SLC28A3: variants seen among roughly 807,000 people sequenced by gnomAD.
SLC28A3 encodes the protein concentrative Na(+)-nucleoside cotransporter 3.
A neutral mutation model predicts 84.2 loss-of-function variants in SLC28A3; 68 were observed. The observed-to-expected ratio is 0.81, with a 90% CI of 0.66 to 0.99. The LOEUF (loss-of-function observed/expected upper bound fraction) is 0.99. Among genes scored for constraint, SLC28A3 ranks in the 50% least tolerant of loss-of-function variants. The pLI is 0.00. For synonymous variants in SLC28A3, 267 were observed against 303.6 expected (o/e 0.88, Z 1.25); for missense variants, 712 against 841.5 (o/e 0.85, Z 1.90).
At chr9:84,346,821 C>A in the SLC28A3 span, among the ~76,000 whole-genome samples, 41 of 152,258 alleles carry the variant, frequency 2.7e-4, 1 homozygote, top group East Asian at 5.4e-3. Flanking sequence ...GAATCTGCCA[C>A]ATAGGTAATA....
At chr9:84,323,613 C>A (rs762267836) in intron 1 of SLC28A3, among the ~76,000 whole-genome samples, 1 of 151,828 alleles carries the variant, frequency 6.6e-6, no homozygotes, top group Non-Finnish European at 1.5e-5. Context: ...TTAGTAAAGA[C>A]GGGGTTTCAT....
chr9:84,334,786 TCTC>T (rs1259673662), intron 1 of SLC28A3, among the ~76,000 whole-genome samples: 1 of 151,714 alleles, frequency 6.6e-6, no homozygotes, highest in African/African-American at 2.4e-5. Context: ...AACACAAACT[TCTC>T]CTCCTTCCCC....
At chr9:84,345,145 C>T (rs10780664), upstream of SLC28A3, among the ~76,000 whole-genome samples, 2 of 151,830 alleles carry the variant, frequency 1.3e-5, no homozygotes, top group African/African-American at 2.4e-5. Flanking sequence ...TTAGCTCTTT[C>T]GTGCTTCTTA....
At chr9:84,361,202 G>A in the SLC28A3 span, among the ~76,000 whole-genome samples, 5 of 152,160 alleles carry the variant, frequency 3.3e-5, no homozygotes, top group South Asian at 8.3e-4. Context: ...AAAATTAGCC[G>A]GGTGTGGTTG....
At chr9:84,348,228 C>T in the SLC28A3 span, among the ~76,000 whole-genome samples, 3 of 152,036 alleles carry the variant, frequency 2.0e-5, no homozygotes, top group Non-Finnish European at 4.4e-5. Flanking sequence ...GTGGCTCACA[C>T]CTGTAGTCGC....
chr9:84,345,628 CAG>C (rs1827237202), upstream of SLC28A3, among the ~76,000 whole-genome samples: 1 of 152,124 alleles, frequency 6.6e-6, no homozygotes, highest in Non-Finnish European at 1.5e-5. Flanking sequence ...CAACACTAGA[CAG>C]TGTTGATTAA....
intron 10 of SLC28A3, 71 bp downstream of exon 10, chr9:84,292,597 T>A (rs750500644): frequency 1.6e-6 from 2 of 1,272,374 alleles, no homozygotes; most frequent in Admixed American, 2.1e-5. Flanking sequence ...TGTGTTATTT[T>A]CTTATTTGGC....
At chr9:84,353,884 A>T in the SLC28A3 span, among the ~76,000 whole-genome samples, 1 of 152,306 alleles carries the variant, frequency 6.6e-6, no homozygotes, top group Non-Finnish European at 1.5e-5. Context: ...CATTAGCATG[A>T]TTCAAAACTT....
intron 2 of SLC28A3, among the ~76,000 whole-genome samples, chr9:84,311,841 C>T (rs1283701017): frequency 1.3e-5 from 2 of 152,138 alleles, no homozygotes; most frequent in African/African-American, 2.4e-5. Context: ...GCTGACAGAG[C>T]GAGATTCCAT....
upstream of SLC28A3, among the ~76,000 whole-genome samples, chr9:84,344,333 C>G (rs556332572): frequency 1.3e-5 from 2 of 151,702 alleles, no homozygotes; most frequent in African/African-American, 4.8e-5. Flanking sequence ...AGACTACAGG[C>G]GTGTGCCACC....
chr9:84,310,761 C>T (rs1054329633), intron 2 of SLC28A3, among the ~76,000 whole-genome samples: 4 of 152,152 alleles, frequency 2.6e-5, no homozygotes, highest in Non-Finnish European at 5.9e-5. Context: ...GTAAGAGAGA[C>T]CAGCTGAGTC....
At chr9:84,328,537 T>C (rs955825612) in intron 1 of SLC28A3, among the ~76,000 whole-genome samples, 1 of 151,974 alleles carries the variant, frequency 6.6e-6, no homozygotes, top group Admixed American at 6.6e-5. Flanking sequence ...GGCGGGTGGA[T>C]CACCTGAGGT....
intron 8 of SLC28A3, among the ~76,000 whole-genome samples, chr9:84,294,571 A>C (rs2118211273): frequency 6.6e-6 from 1 of 152,306 alleles, no homozygotes; most frequent in African/African-American, 2.4e-5. Context: ...GTCAGAAAAT[A>C]TTCTTGTCCT....
chr9:84,356,399 G>GA, the SLC28A3 span, among the ~76,000 whole-genome samples: 1 of 152,166 alleles, frequency 6.6e-6, no homozygotes, highest in African/African-American at 2.4e-5. Flanking sequence ...CCTATGGGGA[G>GA]AAAGGTGACG....
intron 1 of SLC28A3, among the ~76,000 whole-genome samples, chr9:84,335,362 A>G (rs981954513): frequency 1.3e-5 from 2 of 152,160 alleles, no homozygotes; most frequent in Admixed American, 6.6e-5. Context: ...GCAACATAGC[A>G]AGACCCTGTC....
chr9:84,362,401 G>A, the SLC28A3 span, among the ~76,000 whole-genome samples: 1 of 152,182 alleles, frequency 6.6e-6, no homozygotes, highest in Non-Finnish European at 1.5e-5. Context: ...GGAAGCTGAG[G>A]TGGGCAGATT....
chr9:84,361,201 C>T, the SLC28A3 span, among the ~76,000 whole-genome samples: 1 of 151,832 alleles, frequency 6.6e-6, no homozygotes, highest in Non-Finnish European at 1.5e-5. Context: ...AAAAATTAGC[C>T]GGGTGTGGTT....
At chr9:84,353,945 A>C in the SLC28A3 span, among the ~76,000 whole-genome samples, 1 of 152,208 alleles carries the variant, frequency 6.6e-6, no homozygotes, top group Non-Finnish European at 1.5e-5. Flanking sequence ...CAAAATATAA[A>C]TTCTAATTAC....
Position 84,340,688 on chromosome 9 carries a change from A to C in SLC28A3, c.-55T>G, listed in dbSNP as rs1330162282. On this transcript the variant is annotated 5_prime_UTR_variant, in exon 1 of 18. Coordinates refer to ENST00000376238, the MANE Select transcript of SLC28A3 (RefSeq NM_001199633.2). ...TGGAGGTCCTTTGTACCTGGGAAAA[A>C]GCACCAGTCTCTGCTGATGTCAGAA... The C allele has an allele frequency of 6.8e-6, 11 of 1,606,090 alleles. No individual in the cohort carries two copies. The highest frequency in any genetic ancestry group is 9.4e-6 in the Non-Finnish European group (11 of 1,173,620).
Sources: allele counts gnomAD v4.1 joint callset (sites outside exome capture counted in the v4.1 genomes callset), GRCh38; gene constraint gnomAD v4.1.1; transcripts MANE v1.5; gene names NCBI Gene and HGNC (gene_info 2026-07-23, HGNC 2026-07-21).